PER3: variants seen among roughly 807,000 people sequenced by gnomAD.
The protein encoded by PER3 is period circadian protein homolog 3.
Under a neutral mutation model 127.2 loss-of-function variants are expected in PER3, and 107 were observed. The ratio of observed to expected loss-of-function variants is 0.84; its 90% confidence interval spans 0.72 to 0.99. PER3 has a LOEUF of 0.99. PER3 is among the 50% of genes least tolerant of loss of function. The probability of loss-of-function intolerance (pLI) is 0.00; values close to 1 mark genes in which losing one functional copy is unlikely to be tolerated. For synonymous variants in PER3, 618 were observed against 585.8 expected (o/e 1.05, Z -0.79); for missense variants, 1,560 against 1,525.8 (o/e 1.02, Z -0.37).
chr1:7,801,962 T>C (rs2097172637), intron 8 of PER3, among the ~76,000 whole-genome samples: 1 of 152,168 alleles, frequency 6.6e-6, no homozygotes, highest in Non-Finnish European at 1.5e-5. Flanking sequence ...TAAAAAAATT[T>C]AACATCTGAA....
chr1:7,808,091 G>A (rs939632348), intron 10 of PER3, among the ~76,000 whole-genome samples: 6 of 152,052 alleles, frequency 3.9e-5, no homozygotes, highest in Non-Finnish European at 7.4e-5. Context: ...AAATTAGCCA[G>A]GCGTGGTGGC....
intron 5 of PER3, among the ~76,000 whole-genome samples, chr1:7,789,777 T>G (rs1482349690): frequency 1.3e-5 from 2 of 152,232 alleles, no homozygotes; most frequent in East Asian, 1.9e-4. Context: ...GCGTGTTTCT[T>G]CTTCCAATTA....
intron 21 of PER3, among the ~76,000 whole-genome samples, chr1:7,841,953 A>G (rs1486611045): frequency 6.6e-6 from 1 of 152,196 alleles, no homozygotes; most frequent in East Asian, 1.9e-4. Context: ...TCAGTGGAGT[A>G]GCTTGCTACA....
At chr1:7,812,766 GAGA>G (rs1055331026) in intron 13 of PER3, among the ~76,000 whole-genome samples, 1 of 152,156 alleles carries the variant, frequency 6.6e-6, no homozygotes, top group African/African-American at 2.4e-5. Flanking sequence ...TGTGACTTTG[GAGA>G]AGAAGGAAGA....
chr1:7,809,603 G>C (rs983704104), intron 11 of PER3, among the ~76,000 whole-genome samples: 1 of 152,104 alleles, frequency 6.6e-6, no homozygotes, highest in Non-Finnish European at 1.5e-5. Context: ...TAAAGAACTA[G>C]AGTTTATTTT....
At chr1:7,786,901 T>A in intron 4 of PER3, 65 bp downstream of exon 4, 2 of 891,458 alleles carry the variant, frequency 2.2e-6, no homozygotes, top group Non-Finnish European at 3.8e-6. Context: ...GCTCTAGATG[T>A]AGGCTTTTAA....
Position 7,809,973 on chromosome 1 carries a change from C to T in PER3, c.1323C>T (p.Ser441=), listed in dbSNP as rs774218637. The change falls in exon 12 of 22, where the codon TCC becomes TCT. Residue 441 remains serine, a synonymous_variant. Coordinates refer to ENST00000377532, the MANE Select transcript of PER3 (RefSeq NM_001377275.1). ...AGGAGCAGCTTGTCAGCATCGCCTC[C>T]TCCAGTGAGGCCAGTGGGCACCGTG... ...GSQEQLVSIA[S]SSEASGHRVE... 3 of 1,613,772 alleles carry T rather than the reference C, an allele frequency of 1.9e-6. No individual in the cohort carries two copies. Among genetic ancestry groups the T allele is most frequent in the African/African-American group, 1.3e-5 (1 of 74,930 alleles).
intron 19 of PER3, among the ~76,000 whole-genome samples, chr1:7,830,683 CT>C (rs1206977515): frequency 1.3e-5 from 2 of 152,166 alleles, no homozygotes; most frequent in Admixed American, 1.3e-4. Flanking sequence ...AATATACTTT[CT>C]TTACATTGGG....
At chr1:7,816,701 A>G (rs957224385) in intron 13 of PER3, among the ~76,000 whole-genome samples, 1 of 152,256 alleles carries the variant, frequency 6.6e-6, no homozygotes, top group African/African-American at 2.4e-5. Flanking sequence ...CAGAGTGACC[A>G]GAGCACTCAC....
At position 7,803,132 on chromosome 1, in the gene PER3, A is replaced by T. The variant is rs1024005798; in HGVS notation, c.958A>T (p.Met320Leu). ...SYLHPEDRSL[M>L]VAIHQKVLKY... The stretch of plus-strand genomic sequence containing the variant: ...CCTGCACCCTGAAGATCGTTCTCTG[A>T]TGGTTGCCATACACCAAAAAGGTCA... Residue 320 changes from methionine to leucine, a missense_variant, in exon 9 of 22, where the codon ATG (methionine) becomes TTG (leucine). Coordinates refer to ENST00000377532, the MANE Select transcript of PER3 (RefSeq NM_001377275.1). The T allele has an allele frequency of 4.4e-6, 7 of 1,607,872 alleles. No homozygotes were observed. Among genetic ancestry groups the T allele is most frequent in the Non-Finnish European group, 6.0e-6 (7 of 1,174,448 alleles).
At chr1:7,784,631 TCA>T (rs2097076193) in intron 1 of PER3, 21 bp from the exon 2 acceptor site, 6 of 389,110 alleles carry the variant, frequency 1.5e-5, no homozygotes, top group East Asian at 4.2e-5. Context: ...TTGTCCCTTG[TCA>T]CCCTTGTCTC....
chr1:7,785,566 G>T lies in PER3; in HGVS notation c.254G>T (p.Arg85Leu). Residue 85 changes from arginine (R) to leucine (L), a missense_variant, in exon 3 of 22, where the codon CGC becomes CTC. By Grantham distance (102) the Arg-to-Leu change is moderately radical. This residue lies in a region of PER3 where 1,332 missense variants were observed against 1,223.6 expected (regional missense o/e 1.09). Coordinates refer to ENST00000377532, the MANE Select transcript of PER3 (RefSeq NM_001377275.1). ...STLDALNYAL[R>L]CVHSVQANSE... ...CTAGATGCCCTCAACTATGCTCTCC[G>T]CTGTGTCCACAGCGTTCAAGGTAAA... 1.2e-6 allele frequency: 2 copies of T among 1,613,538 alleles called. No homozygotes were observed. The highest frequency in any genetic ancestry group is 1.7e-6 in the Non-Finnish European group (2 of 1,179,686).
Position 7,784,704 on chromosome 1 carries a change from G to A in PER3, c.-174G>A, listed in dbSNP as rs2097076707. 4 of 584,802 alleles carry A rather than the reference G, an allele frequency of 6.8e-6. No homozygotes were observed. Among genetic ancestry groups the A allele is most frequent in the East Asian group, 3.5e-5 (1 of 28,742 alleles). 36.2% of individuals were successfully genotyped at this position (584,802 alleles called of 1,614,324 possible). A position where few individuals can be genotyped will look rare whatever the true frequency, so the allele number is the denominator to read the frequency against. ...CTCCGGGTTTTGAAAATGTTGGAGG[G>A]AAAAGCTCCTCGGAGATGAGCGTGA... On this transcript the variant is annotated 5_prime_UTR_variant, in exon 2 of 22. Transcript: ENST00000377532.
intron 5 of PER3, 28 bp downstream of exon 5, chr1:7,788,274 T>A (rs372717220): frequency 6.9e-7 from 1 of 1,445,232 alleles, no homozygotes; most frequent in East Asian, 2.3e-5. Flanking sequence ...CAGATGTCTA[T>A]CTTTCCTCAT....
chr1:7,788,007 A>C, intron 4 of PER3, 38 bp from the exon 5 acceptor site: 7 of 1,358,554 alleles, frequency 5.2e-6, no homozygotes, highest in Non-Finnish European at 7.4e-6. Flanking sequence ...GCTAGTGAGT[A>C]TCTCAATATT....
At chr1:7,804,007 A>C in intron 10 of PER3, 159 bp downstream of exon 10, 1 of 547,510 alleles carries the variant, frequency 1.8e-6, no homozygotes, top group African/African-American at 1.9e-5. Context: ...GTGTACCGTG[A>C]GCCTTAAAAG....
Position 7,785,424 on chromosome 1 carries a change from T to A in PER3, c.129-17T>A. 1 of 1,603,100 alleles carries A rather than the reference T, an allele frequency of 6.2e-7. No homozygotes were observed. The highest frequency in any genetic ancestry group is 8.5e-7 in the Non-Finnish European group (1 of 1,171,328). The stretch of plus-strand genomic sequence containing the variant: ...TGTCTTCAGAGGATGAAGTTGTAAT[T>A]TTTTTTTATCTTCCAGTGAACAGCA... On this transcript the variant is annotated splice_polypyrimidine_tract_variant and intron_variant, in intron 2 of 21. Coordinates refer to ENST00000377532, the MANE Select transcript of PER3 (RefSeq NM_001377275.1).
chr1:7,831,280 T>C (rs962636262), intron 19 of PER3, among the ~76,000 whole-genome samples: 1 of 152,240 alleles, frequency 6.6e-6, no homozygotes, highest in Non-Finnish European at 1.5e-5. Context: ...ATATAGAAAT[T>C]TAATCAAATT....
intron 5 of PER3, 199 bp downstream of exon 5, chr1:7,788,445 T>C: frequency 1.7e-6 from 1 of 573,962 alleles, no homozygotes; most frequent in Non-Finnish European, 3.1e-6. Flanking sequence ...GTTTCCATTT[T>C]GTCACATCTG....
Sources: gnomAD v4.1 joint callset for allele counts (sites outside exome capture counted in the v4.1 genomes callset) on GRCh38, gnomAD v4.1.1 for gene constraint, gnomAD v4.1.1 regional missense constraint, MANE v1.5 for transcripts, NCBI Gene and HGNC (gene_info 2026-07-23, HGNC 2026-07-21) for gene names.